Variants in SHCBP1L observed in about 807,000 individuals in gnomAD.
The protein encoded by SHCBP1L is SHC binding and spindle associated 1 like, also known as testicular spindle-associated protein SHCBP1L.
SHCBP1L carries 67 observed loss-of-function variants against 62.5 expected under a neutral mutation model. The ratio of observed to expected loss-of-function variants is 1.07; its 90% CI spans 0.88 to 1.31. SHCBP1L has a LOEUF of 1.31. Among genes scored for constraint, SHCBP1L ranks in the 40% most tolerant of loss-of-function variants. The probability of loss-of-function intolerance (pLI) is 0.00; values close to 1 mark genes in which losing one functional copy is unlikely to be tolerated. For missense variants in SHCBP1L, 823 were observed against 809.8 expected (o/e 1.02, Z -0.20); for synonymous variants, 284 against 289.4 (o/e 0.98, Z 0.19).
chr1:182,927,043 A>C (rs559459292), intron 6 of SHCBP1L, among the ~76,000 whole-genome samples: 1 of 113,428 alleles, frequency 8.8e-6, no homozygotes, highest in East Asian at 2.8e-4. Context: ...CATGCTCTTA[A>C]CTAGCACTAT....
At chr1:182,931,767 C>A (rs1651003400) in intron 5 of SHCBP1L, among the ~76,000 whole-genome samples, 1 of 152,066 alleles carries the variant, frequency 6.6e-6, no homozygotes, top group Non-Finnish European at 1.5e-5. Flanking sequence ...ATTGACACAT[C>A]ATTATCACCC....
At position 182,904,358 on chromosome 1, in the gene SHCBP1L, T is replaced by G. The variant is rs767313169; in HGVS notation, c.1409A>C (p.Asp470Ala). Residue 470 changes from aspartate to alanine, a missense_variant, in exon 8 of 10, where the codon GAC becomes GCC. By Grantham distance (126) the Asp-to-Ala change is moderately radical. Transcript: ENST00000367547. ...AGATAGATGCATTAGTTTCACATTG[T>G]CAGCTTTGGACACCACAAAACTGTC... The part of the protein sequence containing the change: ...SRDSFVVSKA[D>A]NVKLMHLSLI... 2 of 1,614,178 alleles carry G rather than the reference T, an allele frequency of 1.2e-6. No homozygotes were observed. The highest frequency in any genetic ancestry group is 2.2e-5 in the South Asian group (2 of 91,088).
At chr1:182,902,731 G>A (rs770259494) in intron 9 of SHCBP1L, among the ~76,000 whole-genome samples, 3 of 151,988 alleles carry the variant, frequency 2.0e-5, no homozygotes, top group Non-Finnish European at 4.4e-5. Context: ...GCTTTACTTT[G>A]TAATTTGAAA....
chr1:182,930,681 G>A (rs1410224479), intron 5 of SHCBP1L, among the ~76,000 whole-genome samples: 1 of 85,760 alleles, frequency 1.2e-5, no homozygotes, highest in Admixed American at 1.5e-4. Flanking sequence ...GTGTGTGTGT[G>A]TGTGTGTGTG....
intron 6 of SHCBP1L, among the ~76,000 whole-genome samples, chr1:182,919,379 G>C (rs900749534): frequency 6.6e-6 from 1 of 152,192 alleles, no homozygotes; most frequent in Admixed American, 6.5e-5. Flanking sequence ...CATGGCAGAA[G>C]AACAACAGAG....
At position 182,939,162 on chromosome 1, in the gene SHCBP1L, G is replaced by A; in HGVS notation, c.1076+14C>T. 1.3e-6 allele frequency: 2 copies of A among 1,591,694 alleles called. No individual in the cohort carries two copies. Among genetic ancestry groups the A allele is most frequent in the Non-Finnish European group, 1.7e-6 (2 of 1,166,518 alleles). ...TAAACTTTTGCTTCTATTTGAAATA[G>A]AGCAAATTATTACCGGAGGCGTAAA... On this transcript the variant is annotated intron_variant, in intron 5 of 9. Transcript: ENST00000367547.
intron 9 of SHCBP1L, 74 bp from the exon 10 acceptor site, chr1:182,900,308 T>C: frequency 8.1e-7 from 1 of 1,232,946 alleles, no homozygotes; most frequent in Non-Finnish European, 1.1e-6. Flanking sequence ...ATATAAAAAT[T>C]AGCTTAGACT....
At chr1:182,935,216 A>G (rs932316255) in intron 5 of SHCBP1L, among the ~76,000 whole-genome samples, 4 of 152,068 alleles carry the variant, frequency 2.6e-5, no homozygotes, top group African/African-American at 9.7e-5. Flanking sequence ...TCTACAAAAT[A>G]TTTTGCTATG....
chr1:182,924,958 G>A (rs1465213042), intron 6 of SHCBP1L, among the ~76,000 whole-genome samples: 1 of 111,988 alleles, frequency 8.9e-6, no homozygotes, highest in Non-Finnish European at 1.7e-5. Context: ...AAGAAAGAAA[G>A]AAAGAAAGAA....
chr1:182,943,263 C>T lies in SHCBP1L; in HGVS notation c.556-2720G>A, dbSNP rs138778276. On this transcript the variant is annotated intron_variant, in intron 2 of 9. Transcript: ENST00000367547. The stretch of plus-strand genomic sequence containing the variant: ...TCCCAATTAGCTAGGACTACCTGTG[C>T]CACCATTCTTGATTTTTTTTTTTTT... 5.0e-3 allele frequency among the ~76,000 whole-genome samples: 747 copies of T among 150,720 alleles called. 3 individuals carry two copies. The highest frequency in any genetic ancestry group is 0.017 in the South Asian group (83 of 4,748).
chr1:182,906,370 A>G (rs531425824), intron 6 of SHCBP1L, among the ~76,000 whole-genome samples: 6 of 152,134 alleles, frequency 3.9e-5, no homozygotes, highest in East Asian at 1.9e-4. Flanking sequence ...GCTCTTCCCT[A>G]TGTATCATTT....
chr1:182,911,126 G>A lies in SHCBP1L; in HGVS notation c.1183-5477C>T, dbSNP rs571097338. Among the ~76,000 whole-genome samples, 4 of 152,278 alleles carry A rather than the reference G, an allele frequency of 2.6e-5. No homozygotes were observed. In the South Asian group the frequency reaches 8.3e-4, roughly 32 times the overall value. ...GCTGGTCTCAAACTCTTGGCCTCAA[G>A]TGATCTGCCTGCCTCAGCCTCCCGA... On this transcript the variant is annotated intron_variant, in intron 6 of 9. Coordinates refer to ENST00000367547, the MANE Select transcript of SHCBP1L (RefSeq NM_030933.4).
intron 5 of SHCBP1L, among the ~76,000 whole-genome samples, chr1:182,938,815 C>T (rs1453741558): frequency 6.6e-6 from 1 of 152,196 alleles, no homozygotes; most frequent in Non-Finnish European, 1.5e-5. Context: ...TAGACAGACT[C>T]TGTCTATGTC....
chr1:182,932,877 A>T (rs565955602), intron 5 of SHCBP1L, among the ~76,000 whole-genome samples: 3 of 151,974 alleles, frequency 2.0e-5, no homozygotes, highest in Non-Finnish European at 2.9e-5. Context: ...TTTGAGATCC[A>T]TCCATGTTAT....
intron 2 of SHCBP1L, 83 bp from the exon 3 acceptor site, chr1:182,940,626 T>C: frequency 1.8e-6 from 2 of 1,123,278 alleles, no homozygotes; most frequent in Non-Finnish European, 1.2e-6. Context: ...TATGAGCTCA[T>C]TATAAAGTTT....
chr1:182,951,782 T>C (rs929546910), intron 1 of SHCBP1L, among the ~76,000 whole-genome samples: 19 of 152,112 alleles, frequency 1.2e-4, no homozygotes, highest in Non-Finnish European at 2.6e-4. Flanking sequence ...CAAATTCTTC[T>C]GCTACAACTT....
chr1:182,930,538 C>T (rs193068609), intron 5 of SHCBP1L, among the ~76,000 whole-genome samples: 3,677 of 104,458 alleles, frequency 0.035, 185 homozygotes, highest in African/African-American at 0.1. Flanking sequence ...GAGGATGTGG[C>T]TTTAGTGTGT....
rs1649887256 is a variant in SHCBP1L, at chr1:182,902,903, AT to A, written c.1710+135del. 6 of 543,656 alleles carry A rather than the reference AT, an allele frequency of 1.1e-5. No individual in the cohort carries two copies. The South Asian group carries it at 1.8e-4, about 17-fold the overall frequency. The allele number at this position is 543,656 out of a possible 1,614,324, so 33.7% of individuals were successfully genotyped here. Reference sequence around the variant, plus strand: ...TTCCCAGCAGCTATCATTTAACCATATTTTATTACTTGTACTATTCTTTTCC... The same window carrying A: ...TTCCCAGCAGCTATCATTTAACCATATTTATTACTTGTACTATTCTTTTCC... On this transcript the variant is annotated intron_variant, in intron 9 of 9. Coordinates refer to ENST00000367547, the MANE Select transcript of SHCBP1L (RefSeq NM_030933.4).
Position 182,904,353 on chromosome 1 carries a change from C to G in SHCBP1L, c.1414G>C (p.Val472Leu), listed in dbSNP as rs775976019. 4.3e-5 allele frequency: 69 copies of G among 1,614,066 alleles called. 1 individual carries two copies. In the East Asian group the frequency reaches 1.5e-3, roughly 35 times the overall value. The change falls in exon 8 of 10, where the codon GTG becomes CTG. Residue 472 changes from valine (V) to leucine (L), a missense_variant. Transcript: ENST00000367547. ...DSFVVSKADN[V>L]KLMHLSLIQQ... ...ATCAAAGATAGATGCATTAGTTTCA[C>G]ATTGTCAGCTTTGGACACCACAAAA...
Sources: gnomAD v4.1 joint callset for allele counts (sites outside exome capture counted in the v4.1 genomes callset) on GRCh38, gnomAD v4.1.1 for gene constraint, MANE v1.5 for transcripts, NCBI Gene and HGNC (gene_info 2026-07-23, HGNC 2026-07-21) for gene names.